Variants in TP73 observed in about 807,000 individuals in gnomAD.
TP73 encodes p53-like transcription factor.
TP73 carries 25 observed loss-of-function variants against 62.5 expected under a neutral mutation model. That is an observed-to-expected ratio of 0.40 (90% CI 0.29 to 0.56). The LOEUF is 0.56. Ranked by LOEUF, TP73 falls within the 20% of genes least tolerant of loss-of-function variation. The pLI is 0.46. For missense variants in TP73, 754 were observed against 913.3 expected (o/e 0.83, Z 2.25); for synonymous variants, 423 against 377.5 (o/e 1.12, Z -1.40).
In TP73 at chr1:3,672,569, C is replaced by T. The variant is rs1007000030; in HGVS notation, c.-33-9764C>T. On this transcript the variant is annotated intron_variant, in intron 1 of 13. Coordinates refer to ENST00000378295, the MANE Select transcript of TP73 (RefSeq NM_005427.4). The surrounding 1 kb of genome is among the most constrained non-coding windows in gnomAD (Gnocchi z 5.3). ...CTCAGACACCCACTCTGGCCATAAG[C>T]TCCGCTCTGTCCCAGCCCTGGACCC... is the stretch of plus-strand genomic sequence containing the variant. 6.6e-6 allele frequency among the ~76,000 whole-genome samples: 1 copy of T among 152,076 alleles called. No individual in the cohort carries two copies. The highest frequency in any genetic ancestry group is 1.5e-5 in the Non-Finnish European group (1 of 67,994).
At chr1:3,708,914 C>A (rs1639899806) in intron 4 of TP73, among the ~76,000 whole-genome samples, 1 of 152,216 alleles carries the variant, frequency 6.6e-6, no homozygotes, top group Non-Finnish European at 1.5e-5. Flanking sequence ...TGCTGGCCCC[C>A]TGAAGTCCAT....
chr1:3,709,778 T>G (rs1639979084), intron 4 of TP73, among the ~76,000 whole-genome samples: 1 of 152,148 alleles, frequency 6.6e-6, no homozygotes, highest in Non-Finnish European at 1.5e-5. Flanking sequence ...TTCTGGAGAG[T>G]GTCTCCCTGG....
At chr1:3,685,128 ACT>A (rs1267649109) in intron 3 of TP73, among the ~76,000 whole-genome samples, 1 of 151,766 alleles carries the variant, frequency 6.6e-6, no homozygotes, top group East Asian at 1.9e-4. Context: ...TTGCTCAGCC[ACT>A]CCCCCTGCAG....
chr1:3,703,212 G>T (rs1199355288), intron 3 of TP73, among the ~76,000 whole-genome samples: 1 of 152,352 alleles, frequency 6.6e-6, no homozygotes, highest in Admixed American at 6.5e-5. Flanking sequence ...GGCAGGGCCA[G>T]CGTGCAGGGA....
chr1:3,733,170 C>T lies in TP73; in HGVS notation c.*91C>T. 7.2e-7 allele frequency: 1 copy of T among 1,379,988 alleles called. No individual in the cohort carries two copies. Among genetic ancestry groups the T allele is most frequent in the South Asian group, 1.4e-5 (1 of 70,836 alleles). 85.5% of individuals were successfully genotyped at this position (1,379,988 alleles called of 1,614,324 possible). A position where few individuals can be genotyped will look rare whatever the true frequency, so the allele number is the denominator to read the frequency against. ...GTGTGTCCAAAACTGCCTCAGGAGG[C>T]AGGACCTTCGGGCTGTGCCCGGGGA... On this transcript the variant is annotated 3_prime_UTR_variant, in exon 14 of 14. Coordinates refer to ENST00000378295, the MANE Select transcript of TP73 (RefSeq NM_005427.4).
At chr1:3,731,197 G>C in intron 12 of TP73, 132 bp downstream of exon 12, 21 of 1,332,846 alleles carry the variant, frequency 1.6e-5, no homozygotes, top group Non-Finnish European at 1.9e-5. Context: ...ACAGGCGGGC[G>C]GGGGCAGTCA....
At position 3,734,718 on chromosome 1, in the gene TP73, T is replaced by C. The variant is rs1642361507; in HGVS notation, c.*1639T>C. On this transcript the variant is annotated 3_prime_UTR_variant, in exon 14 of 14. Transcript: ENST00000378295. The surrounding 1 kb of genome is among the most constrained non-coding windows in gnomAD (Gnocchi z 4.4). Reference sequence around the variant, plus strand: ...CCCCTTATTTAAAAGCAGCGACTGGTGTTGCCGCAGGTACCTGGTCTACGA... The same window carrying C: ...CCCCTTATTTAAAAGCAGCGACTGGCGTTGCCGCAGGTACCTGGTCTACGA... 6.6e-6 allele frequency: 1 copy of C among 152,316 alleles called. No homozygotes were observed. Among genetic ancestry groups the C allele is most frequent in the Non-Finnish European group, 1.5e-5 (1 of 68,104 alleles). 9.4% of individuals were successfully genotyped at this position (152,316 alleles called of 1,614,324 possible).
At chr1:3,688,912 A>T (rs2124212877) in intron 3 of TP73, among the ~76,000 whole-genome samples, 1 of 152,200 alleles carries the variant, frequency 6.6e-6, no homozygotes, top group South Asian at 2.1e-4. Flanking sequence ...GCTATTTATA[A>T]AACCATCAGG....
rs1640677884 is a variant in TP73, at chr1:3,717,233, C to CG, written c.430-4787dup. ...GGGCACAAGGAAATTAGCAGCCCCCCGCTGCACCCTCCCCTCACCCACCCC... is the reference window on the plus strand; with the variant it reads ...GGGCACAAGGAAATTAGCAGCCCCCCGGCTGCACCCTCCCCTCACCCACCCC... On this transcript the variant is annotated intron_variant, in intron 4 of 13. Transcript: ENST00000378295. 3.3e-5 allele frequency among the ~76,000 whole-genome samples: 5 copies of CG among 152,328 alleles called. No homozygotes were observed. The South Asian group carries it at 1.0e-3, about 32-fold the overall frequency.
At chr1:3,661,735 TATATA>T (rs1324477415) in intron 1 of TP73, among the ~76,000 whole-genome samples, 2 of 147,062 alleles carry the variant, frequency 1.4e-5, no homozygotes, top group East Asian at 3.9e-4. Flanking sequence ...TATATATATA[TATATA>T]ATATGTATTA....
chr1:3,665,408 C>A (rs779871309), intron 1 of TP73, among the ~76,000 whole-genome samples: 16 of 152,086 alleles, frequency 1.1e-4, no homozygotes, highest in Non-Finnish European at 1.9e-4. Context: ...CAAAATACAC[C>A]GTTGTAAGAT....
At chr1:3,729,500 C>A (rs775178681) in intron 10 of TP73, 52 bp downstream of exon 10, 4 of 1,608,952 alleles carry the variant, frequency 2.5e-6, no homozygotes, top group South Asian at 1.1e-5. Flanking sequence ...CATGGCTTAA[C>A]CCCCCAGGAG....
At chr1:3,677,682 T>C (rs1392295713) in intron 1 of TP73, among the ~76,000 whole-genome samples, 5 of 148,668 alleles carry the variant, frequency 3.4e-5, no homozygotes. Flanking sequence ...TTTCATTTCC[T>C]TCCTTCCCTT....
At chr1:3,706,379 GGGGGGT>G (rs1639637194) in intron 3 of TP73, among the ~76,000 whole-genome samples, 8 of 149,688 alleles carry the variant, frequency 5.3e-5, no homozygotes, top group East Asian at 2.0e-4. Flanking sequence ...GGCCCGGGGA[GGGGGGT>G]AATAGGGACA....
In TP73 at chr1:3,659,674, G is replaced by GATT. The variant is rs996906798; in HGVS notation, c.-34+7052_-34+7054dup. Among the ~76,000 whole-genome samples, 19 of 151,822 alleles carry GATT rather than the reference G, an allele frequency of 1.3e-4. No homozygotes were observed. The South Asian group carries it at 1.7e-3, about 13-fold the overall frequency. Reference sequence around the variant, plus strand: ...TTTCTACTAAAAATAATCTCAGTAAGATTATTATTATTATTATTATTTTTG... The same window carrying GATT: ...TTTCTACTAAAAATAATCTCAGTAAGATTATTATTATTATTATTATTATTTTTG... On this transcript the variant is annotated intron_variant, in intron 1 of 13. Transcript: ENST00000378295.
At chr1:3,713,485 C>T (rs1640332146) in intron 4 of TP73, among the ~76,000 whole-genome samples, 1 of 152,222 alleles carries the variant, frequency 6.6e-6, no homozygotes, top group Admixed American at 6.5e-5. Flanking sequence ...CCGTGTGGGA[C>T]TCGGGGCAAG....
chr1:3,684,985 C>T (rs1461813369), intron 3 of TP73, among the ~76,000 whole-genome samples: 1 of 152,148 alleles, frequency 6.6e-6, no homozygotes, highest in Non-Finnish European at 1.5e-5. Context: ...CCACCCCCTC[C>T]AGGTCCCCTT....
In TP73 at chr1:3,670,366, T is replaced by C. The variant is rs924696544; in HGVS notation, c.-33-11967T>C. Among the ~76,000 whole-genome samples the C allele has an allele frequency of 6.6e-6, 1 of 152,014 alleles. No individual in the cohort carries two copies. Among genetic ancestry groups the C allele is most frequent in the African/African-American group, 2.4e-5 (1 of 41,378 alleles). On this transcript the variant is annotated intron_variant, in intron 1 of 13. Coordinates refer to ENST00000378295, the MANE Select transcript of TP73 (RefSeq NM_005427.4). This position sits in a 1 kb window ranked among gnomAD's most constrained non-coding sequence, Gnocchi z 5.9. ...CCAGGTGGGGATGTACAGGAGCCCC[T>C]TAGAAGTGGGGAAGAAGGCCAGGCG...
At chr1:3,711,041 G>A (rs527795969) in intron 4 of TP73, among the ~76,000 whole-genome samples, 2 of 152,340 alleles carry the variant, frequency 1.3e-5, no homozygotes, top group South Asian at 4.1e-4. Context: ...TGGTGAGAGG[G>A]GTGGAGCTGG....
Sources: gnomAD v4.1 joint callset for allele counts (sites outside exome capture counted in the v4.1 genomes callset) on GRCh38, gnomAD v4.1.1 for gene constraint, Gnocchi (gnomAD v3.1) non-coding constraint, MANE v1.5 for transcripts, NCBI Gene and HGNC (gene_info 2026-07-23, HGNC 2026-07-21) for gene names.